The following SPMIP2 variants were observed in gnomAD, a reference collection of about 807,000 sequenced individuals.
SPMIP2 encodes the protein sperm microtubule inner protein 2.
At chr4:158,939,076 T>A in the SPMIP2 span, among the ~76,000 whole-genome samples, 1 of 152,218 alleles carries the variant, frequency 6.6e-6, no homozygotes, top group Non-Finnish European at 1.5e-5. Flanking sequence ...TCAGCATCAC[T>A]TGCTAATTTA....
At chr4:158,968,292 G>A in the SPMIP2 span, among the ~76,000 whole-genome samples, 1 of 152,116 alleles carries the variant, frequency 6.6e-6, no homozygotes, top group Non-Finnish European at 1.5e-5. Context: ...GCCTCCCAAA[G>A]TGCTGGGATT....
chr4:158,949,975 C>G, the SPMIP2 span, among the ~76,000 whole-genome samples: 1 of 152,138 alleles, frequency 6.6e-6, no homozygotes, highest in East Asian at 1.9e-4. Flanking sequence ...CCTTTAAAAC[C>G]CATGTTTCTC....
chr4:158,939,935 G>C, the SPMIP2 span, among the ~76,000 whole-genome samples: 1 of 152,138 alleles, frequency 6.6e-6, no homozygotes, highest in Non-Finnish European at 1.5e-5. Context: ...ATGTTCCGAG[G>C]TCATCTTATT....
the SPMIP2 span, among the ~76,000 whole-genome samples, chr4:158,978,198 G>C: frequency 1.3e-5 from 2 of 152,198 alleles, no homozygotes; most frequent in South Asian, 4.1e-4. Flanking sequence ...TTCAGGAGCA[G>C]GTTGTTCAGT....
the SPMIP2 span, among the ~76,000 whole-genome samples, chr4:159,027,693 T>C: frequency 2.6e-5 from 4 of 152,230 alleles, no homozygotes; most frequent in Non-Finnish European, 2.9e-5. Context: ...TGTGAAGTCA[T>C]TTTCTATTTT....
chr4:159,069,881 C>G, the SPMIP2 span, among the ~76,000 whole-genome samples: 1 of 152,052 alleles, frequency 6.6e-6, no homozygotes, highest in Admixed American at 6.5e-5. Flanking sequence ...ACAAGAATGG[C>G]TTCCACCTGT....
At chr4:159,052,038 C>T in the SPMIP2 span, among the ~76,000 whole-genome samples, 6 of 151,762 alleles carry the variant, frequency 4.0e-5, no homozygotes, top group African/African-American at 1.2e-4. Flanking sequence ...AAAACAAAAA[C>T]CAAATTTCCC....
At chr4:159,011,477 G>A in the SPMIP2 span, among the ~76,000 whole-genome samples, 4 of 152,126 alleles carry the variant, frequency 2.6e-5, no homozygotes, top group East Asian at 1.9e-4. Context: ...CTGGCTGGAC[G>A]CGGTGGCTCA....
chr4:158,896,257 A>G, the SPMIP2 span, among the ~76,000 whole-genome samples: 1 of 149,846 alleles, frequency 6.7e-6, no homozygotes, highest in African/African-American at 2.5e-5. Context: ...GTAGGTTGGC[A>G]CATTCCACCT....
chr4:158,904,274 G>T, the SPMIP2 span, among the ~76,000 whole-genome samples: 2 of 152,142 alleles, frequency 1.3e-5, no homozygotes, highest in Non-Finnish European at 2.9e-5. Flanking sequence ...TCCCTGGTCA[G>T]TGTCCACTGG....
chr4:159,064,744 C>T, the SPMIP2 span, among the ~76,000 whole-genome samples: 2 of 152,214 alleles, frequency 1.3e-5, no homozygotes, highest in African/African-American at 4.8e-5. Flanking sequence ...TTTATATATG[C>T]ATATATTTAT....
the SPMIP2 span, chr4:158,960,201 A>T: frequency 1.2e-6 from 1 of 805,206 alleles, no homozygotes; most frequent in Non-Finnish European, 2.0e-6. Flanking sequence ...GTGTTAATAT[A>T]CTTAAAAGTT....
the SPMIP2 span, among the ~76,000 whole-genome samples, chr4:158,958,194 G>T: frequency 6.6e-6 from 1 of 152,028 alleles, no homozygotes; most frequent in African/African-American, 2.4e-5. Context: ...TAGAGATGGG[G>T]ATTCTATGTT....
At chr4:158,936,292 C>T in the SPMIP2 span, among the ~76,000 whole-genome samples, 1 of 152,110 alleles carries the variant, frequency 6.6e-6, no homozygotes, top group Non-Finnish European at 1.5e-5. Flanking sequence ...TAATATAAAC[C>T]GCAGAAACAG....
the SPMIP2 span, among the ~76,000 whole-genome samples, chr4:158,980,119 C>G: frequency 4.6e-5 from 7 of 152,156 alleles, no homozygotes; most frequent in Admixed American, 1.3e-4. Flanking sequence ...CCCTCCACAG[C>G]TCAGCAAAGC....
the SPMIP2 span, among the ~76,000 whole-genome samples, chr4:158,942,180 T>C: frequency 6.6e-6 from 1 of 152,220 alleles, no homozygotes; most frequent in East Asian, 1.9e-4. Flanking sequence ...AAGTTTTTAT[T>C]GTCAAATGTG....
the SPMIP2 span, among the ~76,000 whole-genome samples, chr4:158,964,566 A>G: frequency 6.6e-6 from 1 of 152,116 alleles, no homozygotes. Flanking sequence ...CATTATAAAA[A>G]ATGGCATTCG....
At chr4:158,970,946 A>C in the SPMIP2 span, among the ~76,000 whole-genome samples, 2 of 152,214 alleles carry the variant, frequency 1.3e-5, no homozygotes, top group South Asian at 4.1e-4. Flanking sequence ...ATTGGTTCAC[A>C]ATCTCAGAGA....
At chr4:158,993,697 G>A in the SPMIP2 span, among the ~76,000 whole-genome samples, 7 of 144,152 alleles carry the variant, frequency 4.9e-5, no homozygotes, top group South Asian at 2.2e-4. Context: ...TTCTTTGAGA[G>A]GCAGGTGCTA....
Sources: gnomAD v4.1 joint callset for allele counts (sites outside exome capture counted in the v4.1 genomes callset) on GRCh38, gnomAD v4.1.1 for gene constraint, MANE v1.5 for transcripts, NCBI Gene and HGNC (gene_info 2026-07-23, HGNC 2026-07-21) for gene names.